ADAMTSL1: variants seen among roughly 807,000 people sequenced by gnomAD.
The protein encoded by ADAMTSL1 is ADAMTS like 1, also known as ADAMTS-like protein 1.
Under a neutral mutation model 201.8 loss-of-function variants are expected in ADAMTSL1, and 126 were observed. The observed-to-expected ratio is 0.62, with a 90% CI of 0.54 to 0.72. The LOEUF is 0.72. Ranked by LOEUF, ADAMTSL1 falls within the 30% of genes least tolerant of loss-of-function variation. ADAMTSL1 has a pLI of 0.00. For missense variants in ADAMTSL1, 2,679 were observed against 2,277.8 expected (o/e 1.18, Z -3.59); for synonymous variants, 1,121 against 903.4 (o/e 1.24, Z -4.32).
At chr9:18,735,607 T>A (rs1297594978) in intron 15 of ADAMTSL1, among the ~76,000 whole-genome samples, 1 of 152,198 alleles carries the variant, frequency 6.6e-6, no homozygotes, top group South Asian at 2.1e-4. Flanking sequence ...AGGAAATGTA[T>A]ACTCTGGCAT....
At chr9:18,071,728 G>C (rs7859989) in intron 1 of ADAMTSL1, among the ~76,000 whole-genome samples, 8 of 152,208 alleles carry the variant, frequency 5.3e-5, no homozygotes, top group African/African-American at 1.9e-4. Context: ...CTCGAAAGTA[G>C]GAGATAAGTG....
chr9:18,886,181 T>C (rs1350716599), intron 23 of ADAMTSL1, among the ~76,000 whole-genome samples: 1 of 118,176 alleles, frequency 8.5e-6, no homozygotes, highest in Non-Finnish European at 1.8e-5. Context: ...TATATATATA[T>C]ATATATATAT....
chr9:18,311,881 A>T (rs1473890217), intron 2 of ADAMTSL1, among the ~76,000 whole-genome samples: 1 of 152,334 alleles, frequency 6.6e-6, no homozygotes, highest in South Asian at 2.1e-4. Flanking sequence ...TGTGGCTGAA[A>T]AGGCATTTGT....
intron 2 of ADAMTSL1, among the ~76,000 whole-genome samples, chr9:18,267,985 A>T (rs1218515703): frequency 6.6e-6 from 1 of 152,160 alleles, no homozygotes; most frequent in African/African-American, 2.4e-5. Flanking sequence ...GTACAGATTT[A>T]AAAAATTTAA....
intron 1 of ADAMTSL1, among the ~76,000 whole-genome samples, chr9:17,984,078 TAGCCAC>T (rs886292916): frequency 6.6e-6 from 1 of 152,178 alleles, no homozygotes; most frequent in Non-Finnish European, 1.5e-5. Context: ...ATTTTCCAAG[TAGCCAC>T]AGATGGGATT....
At chr9:18,131,255 A>G (rs1296415041) in intron 1 of ADAMTSL1, among the ~76,000 whole-genome samples, 1 of 152,146 alleles carries the variant, frequency 6.6e-6, no homozygotes, top group South Asian at 2.1e-4. Flanking sequence ...GCCACATTTT[A>G]TGGTATAGTA....
At chr9:18,778,589 C>T (rs945492494) in intron 19 of ADAMTSL1, among the ~76,000 whole-genome samples, 1 of 152,192 alleles carries the variant, frequency 6.6e-6, no homozygotes, top group African/African-American at 2.4e-5. Flanking sequence ...TTTACCGCTA[C>T]CTGTGCCTTA....
intron 2 of ADAMTSL1, among the ~76,000 whole-genome samples, chr9:18,179,530 A>G (rs965307386): frequency 6.6e-6 from 1 of 152,166 alleles, no homozygotes; most frequent in Non-Finnish European, 1.5e-5. Flanking sequence ...AGAGAACACC[A>G]CAAAGATACT....
intron 2 of ADAMTSL1, among the ~76,000 whole-genome samples, chr9:18,509,076 C>A (rs970615016): frequency 7.7e-6 from 1 of 129,682 alleles, no homozygotes; most frequent in Non-Finnish European, 1.6e-5. Context: ...CCCAGCTACT[C>A]GGGAGGCTGA....
At chr9:18,231,521 G>C (rs904413408) in intron 2 of ADAMTSL1, among the ~76,000 whole-genome samples, 1 of 152,098 alleles carries the variant, frequency 6.6e-6, no homozygotes, top group African/African-American at 2.4e-5. Flanking sequence ...TCCTTTGCCT[G>C]TTCCTCCTCA....
At chr9:18,350,554 A>G (rs1835921870) in intron 2 of ADAMTSL1, among the ~76,000 whole-genome samples, 1 of 152,158 alleles carries the variant, frequency 6.6e-6, no homozygotes, top group South Asian at 2.1e-4. Flanking sequence ...AAGTCTAGAA[A>G]TACAAGGAAA....
At chr9:18,407,354 A>T (rs1418354365) in intron 2 of ADAMTSL1, among the ~76,000 whole-genome samples, 1 of 152,234 alleles carries the variant, frequency 6.6e-6, no homozygotes, top group African/African-American at 2.4e-5. Context: ...TACATTTATC[A>T]TCTGGAGCTC....
intron 2 of ADAMTSL1, among the ~76,000 whole-genome samples, chr9:18,183,400 T>C (rs900724555): frequency 6.6e-6 from 1 of 152,174 alleles, no homozygotes; most frequent in Non-Finnish European, 1.5e-5. Context: ...ACTAAAAACT[T>C]CTTCTTTGTA....
At chr9:17,952,917 C>CCCTCCTCCTCCTCCTCCTCCTCCTCCT (rs59567399) in intron 1 of ADAMTSL1, among the ~76,000 whole-genome samples, 4 of 146,060 alleles carry the variant, frequency 2.7e-5, no homozygotes, top group African/African-American at 1.0e-4. Context: ...TTCCTCCTTT[C>CCCTCCTCCTCCTCCTCCTCCTCCTCCT]CCTCCTCCTC....
intron 2 of ADAMTSL1, among the ~76,000 whole-genome samples, chr9:18,325,431 T>A (rs1834791571): frequency 6.6e-6 from 1 of 152,250 alleles, no homozygotes; most frequent in Non-Finnish European, 1.5e-5. Flanking sequence ...TATCATTACA[T>A]ACATATTCAT....
intron 2 of ADAMTSL1, among the ~76,000 whole-genome samples, chr9:18,207,265 T>G (rs1049727594): frequency 2.0e-5 from 3 of 152,048 alleles, no homozygotes; most frequent in Admixed American, 1.3e-4. Flanking sequence ...AAGAAAAGAA[T>G]AAAAGATTAC....
intron 1 of ADAMTSL1, among the ~76,000 whole-genome samples, chr9:17,992,474 G>A (rs868280183): frequency 6.6e-6 from 1 of 152,134 alleles, no homozygotes; most frequent in East Asian, 1.9e-4. Flanking sequence ...CTTTTCAGAT[G>A]AATGCTTGTA....
intron 1 of ADAMTSL1, among the ~76,000 whole-genome samples, chr9:17,969,163 C>A (rs1818103534): frequency 6.6e-6 from 1 of 151,574 alleles, no homozygotes; most frequent in Non-Finnish European, 1.5e-5. Flanking sequence ...GCATAAAAAT[C>A]AAAGACAAAT....
chr9:18,808,686 A>G (rs1823310654), intron 20 of ADAMTSL1, among the ~76,000 whole-genome samples: 1 of 152,238 alleles, frequency 6.6e-6, no homozygotes. Flanking sequence ...TTTATAACAC[A>G]GTAGAGCAAC....
Sources: gnomAD v4.1 joint callset for allele counts (sites outside exome capture counted in the v4.1 genomes callset) on GRCh38, gnomAD v4.1.1 for gene constraint, MANE v1.5 for transcripts, NCBI Gene and HGNC (gene_info 2026-07-23, HGNC 2026-07-21) for gene names.